CADM2: variants seen among roughly 807,000 people sequenced by gnomAD.
CADM2 encodes the protein immunoglobulin superfamily member 4D.
CADM2 carries 12 observed loss-of-function variants against 49.8 expected under a neutral mutation model. The observed-to-expected ratio is 0.24, with a 90% CI of 0.15 to 0.39. The LOEUF (loss-of-function observed/expected upper bound fraction) is 0.39, where lower values mean the gene tolerates loss of function less well. CADM2 is among the 10% of genes least tolerant of loss of function. The pLI is 1.00. For missense variants in CADM2, 378 were observed against 492.3 expected (o/e 0.77, Z 2.20); for synonymous variants, 214 against 175.4 (o/e 1.22, Z -1.74).
intron 1 of CADM2, among the ~76,000 whole-genome samples, chr3:85,436,066 C>T (rs1357369860): frequency 6.6e-6 from 1 of 151,974 alleles, no homozygotes; most frequent in African/African-American, 2.4e-5. Context: ...ATTGTCATTG[C>T]TTTTGGTGTT....
At chr3:84,971,802 A>G (rs1176152006) in intron 1 of CADM2, among the ~76,000 whole-genome samples, 1 of 152,146 alleles carries the variant, frequency 6.6e-6, no homozygotes, top group Non-Finnish European at 1.5e-5. Flanking sequence ...ATAAGGTAAA[A>G]GTAAATTCGA....
intron 3 of CADM2, among the ~76,000 whole-genome samples, chr3:85,864,298 A>G (rs1390777133): frequency 6.6e-6 from 1 of 152,230 alleles, no homozygotes; most frequent in Non-Finnish European, 1.5e-5. Context: ...GACTAAACCC[A>G]AATCAGCAGG....
chr3:85,094,998 T>C (rs1994315), intron 1 of CADM2, among the ~76,000 whole-genome samples: 114,069 of 152,086 alleles, frequency 0.75, 44,134 homozygotes, highest in African/African-American at 0.93. Flanking sequence ...TACTGAACAA[T>C]AATCTTTTGA....
intron 1 of CADM2, among the ~76,000 whole-genome samples, chr3:85,191,197 A>G (rs1396875325): frequency 6.6e-6 from 1 of 151,980 alleles, no homozygotes; most frequent in Non-Finnish European, 1.5e-5. Context: ...CTTCCTTACT[A>G]TTTTATTTAA....
At chr3:85,962,029 CGGGT>C (rs1724890576) in intron 8 of CADM2, among the ~76,000 whole-genome samples, 1 of 151,772 alleles carries the variant, frequency 6.6e-6, no homozygotes, top group Admixed American at 6.6e-5. Context: ...CTCCACCTCC[CGGGT>C]TCAAGCAATT....
chr3:85,455,777 G>A (rs1483087183), intron 1 of CADM2, among the ~76,000 whole-genome samples: 2 of 152,120 alleles, frequency 1.3e-5, no homozygotes, highest in East Asian at 3.9e-4. Context: ...GAAACGCAAA[G>A]CCCACAAGCC....
chr3:85,714,756 A>G (rs928904685), intron 1 of CADM2, among the ~76,000 whole-genome samples: 1 of 151,894 alleles, frequency 6.6e-6, no homozygotes, highest in Admixed American at 6.6e-5. Context: ...ACTTGACCTT[A>G]TTCTGCTTCT....
chr3:85,460,580 T>C (rs2038199757), intron 1 of CADM2, among the ~76,000 whole-genome samples: 1 of 152,208 alleles, frequency 6.6e-6, no homozygotes, highest in Non-Finnish European at 1.5e-5. Context: ...CTTTAAAGTC[T>C]CCATTGTGAT....
chr3:85,257,310 T>C (rs2042910334), intron 1 of CADM2, among the ~76,000 whole-genome samples: 1 of 152,148 alleles, frequency 6.6e-6, no homozygotes, highest in Non-Finnish European at 1.5e-5. Flanking sequence ...TGTCTGAGTG[T>C]TTTATTTTCC....
At chr3:85,188,008 GTTA>G (rs1367404149) in intron 1 of CADM2, among the ~76,000 whole-genome samples, 4 of 151,648 alleles carry the variant, frequency 2.6e-5, no homozygotes, top group East Asian at 3.9e-4. Context: ...AACAATGAAA[GTTA>G]TTATCTAAAT....
At chr3:85,327,464 C>T (rs571269034) in intron 1 of CADM2, among the ~76,000 whole-genome samples, 2 of 150,858 alleles carry the variant, frequency 1.3e-5, no homozygotes, top group Non-Finnish European at 3.0e-5. Context: ...CTATGTTGGC[C>T]AGGCTGTAAT....
intron 1 of CADM2, among the ~76,000 whole-genome samples, chr3:85,439,325 G>A (rs556713880): frequency 1.2e-4 from 18 of 151,568 alleles, no homozygotes; most frequent in African/African-American, 4.4e-4. Flanking sequence ...GGCTAATTTT[G>A]TGTTTTTACT....
intron 1 of CADM2, among the ~76,000 whole-genome samples, chr3:85,327,039 T>C (rs1455220304): frequency 1.3e-5 from 2 of 151,762 alleles, no homozygotes; most frequent in Non-Finnish European, 1.5e-5. Context: ...TAATGTGTCT[T>C]TTTTTTTCTT....
chr3:85,151,162 G>T (rs931743670), intron 1 of CADM2, among the ~76,000 whole-genome samples: 12 of 151,996 alleles, frequency 7.9e-5, no homozygotes, highest in Non-Finnish European at 1.5e-4. Flanking sequence ...GATCAATGTT[G>T]CCTTTGATTT....
intron 2 of CADM2, among the ~76,000 whole-genome samples, chr3:85,793,277 A>T (rs1366779979): frequency 2.0e-5 from 3 of 152,168 alleles, no homozygotes; most frequent in African/African-American, 4.8e-5. Context: ...TAACTCCTGA[A>T]ACTAACTTAG....
chr3:85,154,836 A>T (rs1033659889), intron 1 of CADM2, among the ~76,000 whole-genome samples: 40 of 149,158 alleles, frequency 2.7e-4, no homozygotes, highest in Non-Finnish European at 5.0e-4. Flanking sequence ...ATCCAGCCAA[A>T]CTAAGCTTCA....
chr3:84,984,229 C>CAA (rs1035100138), intron 1 of CADM2, among the ~76,000 whole-genome samples: 7 of 151,800 alleles, frequency 4.6e-5, no homozygotes, highest in Non-Finnish European at 1.0e-4. Context: ...TGTAGGCACA[C>CAA]AAAAGTGTAA....
intron 1 of CADM2, among the ~76,000 whole-genome samples, chr3:85,697,401 A>G (rs1204363403): frequency 1.3e-5 from 2 of 152,128 alleles, no homozygotes; most frequent in African/African-American, 4.8e-5. Flanking sequence ...CTGTTGAAGT[A>G]GATATACAAT....
At chr3:85,818,720 G>A (rs2073374534) in intron 3 of CADM2, among the ~76,000 whole-genome samples, 1 of 152,014 alleles carries the variant, frequency 6.6e-6, no homozygotes, top group Non-Finnish European at 1.5e-5. Context: ...AAGGAAATCA[G>A]TATCTGAACA....
Sources: allele counts gnomAD v4.1 joint callset (sites outside exome capture counted in the v4.1 genomes callset), GRCh38; gene constraint gnomAD v4.1.1; transcripts MANE v1.5; gene names NCBI Gene and HGNC (gene_info 2026-07-23, HGNC 2026-07-21).